Variants in MYT1L observed in about 807,000 individuals in gnomAD.
MYT1L encodes myelin transcription factor 1 like.
MYT1L carries 12 observed loss-of-function variants against 126.7 expected under a neutral mutation model. The ratio of observed to expected loss-of-function variants is 0.09; its 90% CI spans 0.06 to 0.15. MYT1L has a LOEUF of 0.15. MYT1L is among the 10% of genes least tolerant of loss of function. The pLI is 1.00. For synonymous variants in MYT1L, 541 were observed against 604.2 expected, an observed-to-expected ratio of 0.90 and a Z score of 1.53; for missense variants, 979 against 1,585.2, an observed-to-expected ratio of 0.62 and a Z score of 6.49.
chr2:2,306,062 G>A (rs2095853593), intron 1 of MYT1L: 1 of 152,218 alleles, frequency 6.6e-6, no homozygotes, highest in South Asian at 2.1e-4. Context: ...TGGAACAGGA[G>A]CAAGGTCAAA....
chr2:2,203,798 G>A (rs969722797), intron 2 of MYT1L, among the ~76,000 whole-genome samples: 1 of 152,110 alleles, frequency 6.6e-6, no homozygotes, highest in Non-Finnish European at 1.5e-5. Flanking sequence ...AGCCCACATT[G>A]CCAAGTCAAT....
intron 1 of MYT1L, among the ~76,000 whole-genome samples, chr2:2,309,842 A>G (rs2095929475): frequency 6.6e-6 from 1 of 151,244 alleles, no homozygotes; most frequent in African/African-American, 2.4e-5. Flanking sequence ...GACTCCACCT[A>G]TGCTTTACTG....
chr2:2,309,653 CT>C (rs2095923971), intron 1 of MYT1L, among the ~76,000 whole-genome samples: 1 of 150,254 alleles, frequency 6.7e-6, no homozygotes, highest in African/African-American at 2.4e-5. Flanking sequence ...CATACTCCAC[CT>C]GTACTTCAGT....
In MYT1L at chr2:1,926,258, C is replaced by T. The variant is rs932487579; in HGVS notation, c.506-2995G>A. On this transcript the variant is annotated intron_variant, in intron 9 of 24. Transcript: ENST00000647738. ...TGAAGTCAGCTCCTAATTATGTGGG[C>T]TCATGGAGGGGAACAGCCAGTCAAT... Among the ~76,000 whole-genome samples the T allele has an allele frequency of 3.3e-5, 5 of 152,126 alleles. No homozygotes were observed. The South Asian group carries it at 6.2e-4, about 19-fold the overall frequency.
intron 8 of MYT1L, among the ~76,000 whole-genome samples, chr2:1,960,861 T>C (rs1340792629): frequency 6.6e-6 from 1 of 151,896 alleles, no homozygotes; most frequent in Non-Finnish European, 1.5e-5. Flanking sequence ...TCCCTGGGGC[T>C]TCTCCCGCAG....
chr2:2,241,490 G>A (rs1288204610), intron 2 of MYT1L, among the ~76,000 whole-genome samples: 6 of 152,270 alleles, frequency 3.9e-5, no homozygotes, highest in East Asian at 1.9e-4. Flanking sequence ...AACTCATTGC[G>A]GCCCTGCAGA....
intron 2 of MYT1L, among the ~76,000 whole-genome samples, chr2:2,210,849 C>G (rs990186643): frequency 1.3e-5 from 2 of 152,116 alleles, no homozygotes; most frequent in Admixed American, 6.5e-5. Context: ...TTGATTCTTC[C>G]AATCCATGAA....
intron 3 of MYT1L, among the ~76,000 whole-genome samples, chr2:2,121,634 G>A (rs779780363): frequency 6.6e-6 from 1 of 151,130 alleles, no homozygotes; most frequent in Non-Finnish European, 1.5e-5. Context: ...TTACAGGTGC[G>A]CACCACCATA....
intron 22 of MYT1L, among the ~76,000 whole-genome samples, chr2:1,803,854 G>T (rs554212908): frequency 6.6e-6 from 1 of 152,204 alleles, no homozygotes; most frequent in Non-Finnish European, 1.5e-5. Context: ...TCTGTAGGAC[G>T]AGGGTATGTG....
chr2:2,204,360 C>T (rs1266368740), intron 2 of MYT1L, among the ~76,000 whole-genome samples: 2 of 151,372 alleles, frequency 1.3e-5, no homozygotes, highest in Non-Finnish European at 2.9e-5. Flanking sequence ...GCAACCTACT[C>T]ATCTGACAAA....
chr2:2,269,402 T>G (rs769627365), intron 2 of MYT1L, among the ~76,000 whole-genome samples: 1 of 152,168 alleles, frequency 6.6e-6, no homozygotes, highest in Non-Finnish European at 1.5e-5. Flanking sequence ...CTCAGTGTCT[T>G]TGCTCTCTTA....
intron 2 of MYT1L, among the ~76,000 whole-genome samples, chr2:2,173,889 A>G: frequency 6.6e-6 from 1 of 152,186 alleles, no homozygotes; most frequent in East Asian, 1.9e-4. Context: ...AAATCCTCTA[A>G]CAGATACTGT....
Position 1,839,138 on chromosome 2 carries a change from C to T in MYT1L, c.3080+11G>A, listed in dbSNP as rs754300718. ...CATCCCAGCCAGGGTCCCGCAGACG[C>T]GGCCACTCACCTGCGGTGTGTGAGG... On this transcript the variant is annotated intron_variant, in intron 21 of 24. Transcript: ENST00000647738. The T allele has an allele frequency of 2.3e-5, 36 of 1,599,730 alleles. No individual in the cohort carries two copies. Among genetic ancestry groups the T allele is most frequent in the East Asian group, 1.6e-4 (7 of 44,394 alleles).
intron 21 of MYT1L, among the ~76,000 whole-genome samples, chr2:1,817,662 G>T (rs1391306573): frequency 6.6e-6 from 1 of 152,174 alleles, no homozygotes; most frequent in African/African-American, 2.4e-5. Flanking sequence ...GCCCTGGGGG[G>T]TGGTGGCGGC....
chr2:2,005,431 T>TGTGCCTTCTTTCCTGC (rs2063164287), intron 4 of MYT1L, among the ~76,000 whole-genome samples: 1 of 135,390 alleles, frequency 7.4e-6, no homozygotes, highest in Non-Finnish European at 1.6e-5. Context: ...TTCTTTCCTG[T>TGTGCCTTCTTTCCTGC]GTGCCTTCTT....
At chr2:2,186,616 C>T (rs2092228524) in intron 2 of MYT1L, among the ~76,000 whole-genome samples, 1 of 152,174 alleles carries the variant, frequency 6.6e-6, no homozygotes, top group Non-Finnish European at 1.5e-5. Context: ...GACCCGTCAA[C>T]CATCCCATGT....
Position 1,997,597 on chromosome 2 carries a change from A to G in MYT1L, c.-157-250T>C, listed in dbSNP as rs552907985. Among the ~76,000 whole-genome samples the G allele has an allele frequency of 2.0e-5, 3 of 152,330 alleles. No homozygotes were observed. The South Asian group carries it at 6.2e-4, about 32-fold the overall frequency. On this transcript the variant is annotated intron_variant, in intron 4 of 24. Coordinates refer to ENST00000647738, the MANE Select transcript of MYT1L (RefSeq NM_001303052.2). ...GTTGGGAGCAAGCCCCAGCTGGGAC[A>G]GCTTGTTCTCTGCCAGCTACGTCAG...
chr2:2,007,870 C>T (rs974225987), intron 4 of MYT1L, among the ~76,000 whole-genome samples: 6 of 152,106 alleles, frequency 3.9e-5, no homozygotes, highest in African/African-American at 1.2e-4. Context: ...AATTAATAGG[C>T]CTTCCCCCAA....
intron 1 of MYT1L, among the ~76,000 whole-genome samples, chr2:2,289,166 C>T (rs564885691): frequency 6.6e-6 from 1 of 152,254 alleles, no homozygotes; most frequent in South Asian, 2.1e-4. Context: ...GATGCCTGTC[C>T]CTTAACCCTG....
Sources: gnomAD v4.1 joint callset for allele counts (sites outside exome capture counted in the v4.1 genomes callset) on GRCh38, gnomAD v4.1.1 for gene constraint, MANE v1.5 for transcripts, NCBI Gene and HGNC (gene_info 2026-07-23, HGNC 2026-07-21) for gene names.